EIF4E3: variants seen among roughly 807,000 people sequenced by gnomAD.
EIF4E3 encodes eukaryotic translation initiation factor 4E type 3.
In EIF4E3, 26 loss-of-function variants were observed where a neutral mutation model predicts 31.7. The observed-to-expected ratio is 0.82, with a 90% CI of 0.60 to 1.14. The LOEUF is 1.14. EIF4E3 is among the 50% of genes most tolerant of loss of function. The probability of loss-of-function intolerance (pLI) is 0.00; values close to 1 mark genes in which losing one functional copy is unlikely to be tolerated. For synonymous variants in EIF4E3, 128 were observed against 107.7 expected, an observed-to-expected ratio of 1.19 and a Z score of -1.17; for missense variants, 304 against 270.9, an observed-to-expected ratio of 1.12 and a Z score of -0.86.
At chr3:71,726,245 C>T (rs943424024), upstream of EIF4E3, among the ~76,000 whole-genome samples, 1 of 152,164 alleles carries the variant, frequency 6.6e-6, no homozygotes, top group Non-Finnish European at 1.5e-5. Context: ...GCCAAAGTAT[C>T]CAGATCTGCC....
chr3:71,663,832 A>C, the EIF4E3 span, among the ~76,000 whole-genome samples: 1 of 152,232 alleles, frequency 6.6e-6, no homozygotes, highest in Non-Finnish European at 1.5e-5. Context: ...GCCATCACCT[A>C]GTCTAGTGTG....
chr3:71,698,733 G>A (rs902250053), intron 3 of EIF4E3, among the ~76,000 whole-genome samples: 1 of 152,208 alleles, frequency 6.6e-6, no homozygotes, highest in African/African-American at 2.4e-5. Context: ...CTTACAGGGT[G>A]TAAGACCAGA....
intron 1 of EIF4E3, among the ~76,000 whole-genome samples, chr3:71,723,817 A>G (rs1218074905): frequency 6.6e-6 from 1 of 152,188 alleles, no homozygotes; most frequent in Non-Finnish European, 1.5e-5. Flanking sequence ...ATGCTCTCTT[A>G]GCATCCCATA....
At chr3:71,673,866 ACTTTC>A (rs1430464541), downstream of EIF4E3, among the ~76,000 whole-genome samples, 1 of 149,486 alleles carries the variant, frequency 6.7e-6, no homozygotes, top group Non-Finnish European at 1.5e-5. Flanking sequence ...AGGCCTATTA[ACTTTC>A]CTTTAAGGTA....
the EIF4E3 span, among the ~76,000 whole-genome samples, chr3:71,666,235 T>A: frequency 7.2e-4 from 107 of 148,492 alleles, 2 homozygotes; most frequent in South Asian, 0.021. Context: ...AAGAATCAAA[T>A]AGACATAAAA....
chr3:71,702,926 A>T (rs573333062), intron 2 of EIF4E3, among the ~76,000 whole-genome samples: 1 of 152,314 alleles, frequency 6.6e-6, no homozygotes, highest in South Asian at 2.1e-4. Flanking sequence ...GTAATTCAAG[A>T]TTATACTCTC....
intron 2 of EIF4E3, 94 bp downstream of exon 2, chr3:71,710,318 C>T (rs2049356784): frequency 5.7e-6 from 8 of 1,398,476 alleles, no homozygotes; most frequent in Non-Finnish European, 7.9e-6. Context: ...GAACCCTGGA[C>T]AGGGGCTGCC....
At chr3:71,661,108 TATA>T in the EIF4E3 span, among the ~76,000 whole-genome samples, 1 of 152,078 alleles carries the variant, frequency 6.6e-6, no homozygotes, top group African/African-American at 2.4e-5. Flanking sequence ...TACTTTTAAA[TATA>T]ATAATTGTTA....
the EIF4E3 span, among the ~76,000 whole-genome samples, chr3:71,664,595 C>G: frequency 6.6e-6 from 1 of 152,116 alleles, no homozygotes; most frequent in Non-Finnish European, 1.5e-5. Flanking sequence ...CATTCTGTCT[C>G]TTTTGGACTT....
At chr3:71,661,344 C>T in the EIF4E3 span, among the ~76,000 whole-genome samples, 4 of 152,016 alleles carry the variant, frequency 2.6e-5, no homozygotes, top group Non-Finnish European at 4.4e-5. Flanking sequence ...TGGGAAGCCT[C>T]GTGCTCCCAA....
the EIF4E3 span, among the ~76,000 whole-genome samples, chr3:71,666,992 C>T: frequency 2.0e-5 from 3 of 151,928 alleles, no homozygotes; most frequent in Non-Finnish European, 4.4e-5. Context: ...AACATCAATG[C>T]GAAAATCCTC....
intron 2 of EIF4E3, among the ~76,000 whole-genome samples, chr3:71,701,671 T>C (rs901501007): frequency 5.3e-5 from 8 of 152,140 alleles, no homozygotes; most frequent in South Asian, 4.1e-4. Context: ...ATGGGTGGAA[T>C]AGAATTTTAG....
intron 1 of EIF4E3, among the ~76,000 whole-genome samples, chr3:71,716,566 G>A (rs2049469791): frequency 6.6e-6 from 1 of 152,092 alleles, no homozygotes; most frequent in Non-Finnish European, 1.5e-5. Flanking sequence ...AGAAATGCTG[G>A]GCCCCCAATA....
chr3:71,742,195 C>T (rs1412220058), intron 1 of EIF4E3, among the ~76,000 whole-genome samples: 2 of 151,864 alleles, frequency 1.3e-5, no homozygotes, highest in African/African-American at 2.4e-5. Context: ...CAGTAGAGAA[C>T]ATCAATGAAA....
chr3:71,754,235 G>A (rs749584476), upstream of EIF4E3: 11 of 1,321,010 alleles, frequency 8.3e-6, no homozygotes, highest in African/African-American at 1.7e-4. This position sits in a 1 kb window ranked among gnomAD's most constrained non-coding sequence, Gnocchi z 5.8. Flanking sequence ...ACCTGTGCCT[G>A]GCCGACGGGC....
downstream of EIF4E3, among the ~76,000 whole-genome samples, chr3:71,672,608 C>T (rs891915277): frequency 2.6e-5 from 4 of 152,068 alleles, no homozygotes; most frequent in African/African-American, 9.7e-5. Context: ...TCCAAGAAAT[C>T]AAGTTTGATT....
chr3:71,671,156 G>A (rs1055902020), downstream of EIF4E3, among the ~76,000 whole-genome samples: 7 of 152,148 alleles, frequency 4.6e-5, no homozygotes, highest in Admixed American at 2.6e-4. Context: ...CACACTATGC[G>A]TGGAATGAGT....
At chr3:71,748,463 C>T (rs73837588) in intron 1 of EIF4E3, among the ~76,000 whole-genome samples, 153 of 151,936 alleles carry the variant, frequency 1.0e-3, no homozygotes, top group African/African-American at 3.6e-3. Context: ...ATAGGGAGTC[C>T]CTGGAGATGA....
rs1403706143 is a variant in EIF4E3, at chr3:71,680,448, A to G, written c.*4234T>C. On this transcript the variant is annotated 3_prime_UTR_variant, in exon 7 of 7. Transcript: ENST00000425534. The stretch of plus-strand genomic sequence containing the variant: ...AGGTCCCTTCCACTCTAAAATTCTA[A>G]GAGTCCCTGAATGTTCTTTTAAAAA... 5.3e-5 allele frequency: 8 copies of G among 152,226 alleles called. No individual in the cohort carries two copies. In the East Asian group the frequency reaches 1.5e-3, roughly 29 times the overall value. 9.4% of individuals were successfully genotyped at this position (152,226 alleles called of 1,614,324 possible). A position where few individuals can be genotyped will look rare whatever the true frequency, so the allele number is the denominator to read the frequency against.
Sources: allele counts gnomAD v4.1 joint callset (sites outside exome capture counted in the v4.1 genomes callset), GRCh38; gene constraint gnomAD v4.1.1; non-coding constraint Gnocchi (gnomAD v3.1); transcripts MANE v1.5; gene names NCBI Gene and HGNC (gene_info 2026-07-23, HGNC 2026-07-21).